GPC5: variants seen among roughly 807,000 people sequenced by gnomAD.
GPC5 encodes glypican 5.
GPC5 carries 47 observed loss-of-function variants against 53.9 expected under a neutral mutation model. That is an observed-to-expected ratio of 0.87 (90% confidence interval 0.69 to 1.11). The LOEUF is 1.11. GPC5 is among the 50% of genes most tolerant of loss of function. The pLI is 0.00. For synonymous variants in GPC5, 286 were observed against 263.3 expected (o/e 1.09, Z -0.84); for missense variants, 748 against 713.1 (o/e 1.05, Z -0.56).
chr13:92,185,234 A>G (rs1188610257), intron 7 of GPC5, among the ~76,000 whole-genome samples: 2 of 152,130 alleles, frequency 1.3e-5, no homozygotes, highest in African/African-American at 4.8e-5. Flanking sequence ...ACAGTTTTTT[A>G]TTCTGTTTTC....
intron 7 of GPC5, among the ~76,000 whole-genome samples, chr13:92,315,563 C>T (rs990882035): frequency 1.3e-5 from 2 of 152,110 alleles, no homozygotes; most frequent in Non-Finnish European, 2.9e-5. Flanking sequence ...GTGTCTTGGT[C>T]ATGGGTCTCT....
chr13:92,798,209 A>G (rs751967198), intron 7 of GPC5, among the ~76,000 whole-genome samples: 1 of 151,718 alleles, frequency 6.6e-6, no homozygotes, highest in Non-Finnish European at 1.5e-5. Flanking sequence ...TTTTTTGGGT[A>G]TTTTTTTGTA....
At chr13:92,155,704 C>T (rs1027328298) in intron 7 of GPC5, among the ~76,000 whole-genome samples, 2 of 151,994 alleles carry the variant, frequency 1.3e-5, no homozygotes, top group Admixed American at 6.6e-5. Flanking sequence ...TGCTTTTTTG[C>T]TTTTGCATTT....
intron 6 of GPC5, among the ~76,000 whole-genome samples, chr13:92,116,278 A>C (rs998684328): frequency 5.3e-5 from 8 of 150,986 alleles, no homozygotes; most frequent in South Asian, 4.2e-4. Context: ...AACAAAAAAA[A>C]AAAAACAGTG....
intron 7 of GPC5, among the ~76,000 whole-genome samples, chr13:92,842,733 G>C (rs1486560600): frequency 6.7e-6 from 1 of 150,166 alleles, no homozygotes; most frequent in African/African-American, 2.4e-5. Flanking sequence ...AAGAGAGCCA[G>C]GACTAAAACA....
intron 7 of GPC5, among the ~76,000 whole-genome samples, chr13:92,200,836 G>A (rs899808203): frequency 3.3e-5 from 5 of 152,218 alleles, no homozygotes; most frequent in Non-Finnish European, 5.9e-5. Context: ...TTAGCTTCAC[G>A]GGAAAAGATG....
intron 7 of GPC5, among the ~76,000 whole-genome samples, chr13:92,476,684 C>T (rs560801685): frequency 1.1e-4 from 17 of 148,902 alleles, no homozygotes; most frequent in East Asian, 3.9e-4. Flanking sequence ...GAAAATGTGG[C>T]GCATATACAC....
intron 1 of GPC5, among the ~76,000 whole-genome samples, chr13:91,434,729 C>G (rs1879775985): frequency 6.6e-6 from 1 of 152,112 alleles, no homozygotes; most frequent in African/African-American, 2.4e-5. Flanking sequence ...TGAAGAAAGT[C>G]ATTGGTGGCT....
chr13:92,305,819 C>G (rs985864106), intron 7 of GPC5, among the ~76,000 whole-genome samples: 4 of 152,144 alleles, frequency 2.6e-5, no homozygotes, highest in Non-Finnish European at 4.4e-5. Context: ...CTTCCCCTGC[C>G]ATATACATAT....
intron 2 of GPC5, among the ~76,000 whole-genome samples, chr13:91,503,424 A>G (rs1156473828): frequency 1.3e-5 from 2 of 152,168 alleles, no homozygotes; most frequent in Non-Finnish European, 2.9e-5. Context: ...AAAGACTTTT[A>G]AAAACCCAGA....
At chr13:92,285,381 A>C (rs2139175387) in intron 7 of GPC5, among the ~76,000 whole-genome samples, 1 of 152,322 alleles carries the variant, frequency 6.6e-6, no homozygotes, top group Non-Finnish European at 1.5e-5. Flanking sequence ...ACAGAATTGG[A>C]AAAAACTACT....
chr13:92,513,856 A>AT (rs1278399564), intron 7 of GPC5, among the ~76,000 whole-genome samples: 1 of 152,142 alleles, frequency 6.6e-6, no homozygotes, highest in Non-Finnish European at 1.5e-5. Flanking sequence ...TTTTGACTGC[A>AT]TTTTGACTAT....
At chr13:92,618,687 TAA>T (rs5805756) in intron 7 of GPC5, among the ~76,000 whole-genome samples, 4,058 of 137,952 alleles carry the variant, frequency 0.029, 142 homozygotes, top group African/African-American at 0.084. Context: ...TAAAAAATGT[TAA>T]AAAAAAAAAA....
At chr13:91,851,878 A>T (rs1023968925) in intron 5 of GPC5, among the ~76,000 whole-genome samples, 263 of 144,198 alleles carry the variant, frequency 1.8e-3, no homozygotes, top group African/African-American at 6.9e-3. Flanking sequence ...TATGTGCCAC[A>T]TTTTCTTAAT....
chr13:91,895,090 A>G (rs547732889), intron 5 of GPC5, among the ~76,000 whole-genome samples: 1 of 151,372 alleles, frequency 6.6e-6, no homozygotes, highest in South Asian at 2.1e-4. Flanking sequence ...AAAAGAGAGA[A>G]GGTCCGCCTG....
At chr13:91,474,756 GA>G (rs1284279052) in intron 2 of GPC5, among the ~76,000 whole-genome samples, 1 of 152,012 alleles carries the variant, frequency 6.6e-6, no homozygotes, top group Non-Finnish European at 1.5e-5. Context: ...TATAGTTGAT[GA>G]AAAACATTTT....
At chr13:92,633,076 A>C (rs1473132102) in intron 7 of GPC5, among the ~76,000 whole-genome samples, 1 of 152,080 alleles carries the variant, frequency 6.6e-6, no homozygotes, top group Non-Finnish European at 1.5e-5. Context: ...TTTTTAGTAA[A>C]GACGGGGTTT....
At chr13:92,677,893 T>C (rs1348173139) in intron 7 of GPC5, among the ~76,000 whole-genome samples, 1 of 152,150 alleles carries the variant, frequency 6.6e-6, no homozygotes, top group African/African-American at 2.4e-5. Flanking sequence ...GTGGGTCCCA[T>C]AGGGTTGTCA....
At chr13:92,739,520 A>G (rs933384674) in intron 7 of GPC5, among the ~76,000 whole-genome samples, 2 of 152,066 alleles carry the variant, frequency 1.3e-5, no homozygotes, top group Non-Finnish European at 2.9e-5. Flanking sequence ...ACATCTGCCC[A>G]TCTGGTCCCA....
Sources: allele counts gnomAD v4.1 joint callset (sites outside exome capture counted in the v4.1 genomes callset), GRCh38; gene constraint gnomAD v4.1.1; transcripts MANE v1.5; gene names NCBI Gene and HGNC (gene_info 2026-07-23, HGNC 2026-07-21).